Variants in FSD2 observed in about 807,000 individuals in gnomAD.
FSD2 encodes the protein fibronectin type III and SPRY domain containing 2.
Under a neutral mutation model 80.4 loss-of-function variants are expected in FSD2, and 71 were observed. The ratio of observed to expected loss-of-function variants is 0.88; its 90% CI spans 0.73 to 1.08. The LOEUF is 1.08. Ranked by LOEUF, FSD2 falls within the 50% of genes least tolerant of loss-of-function variation. FSD2 has a pLI of 0.00. For missense variants in FSD2, 923 were observed against 913.8 expected, an observed-to-expected ratio of 1.01 and a Z score of -0.13; for synonymous variants, 361 against 329.5, an observed-to-expected ratio of 1.10 and a Z score of -1.03.
chr15:82,784,536 T>C (rs1275090616), intron 3 of FSD2, among the ~76,000 whole-genome samples: 2 of 152,170 alleles, frequency 1.3e-5, no homozygotes, highest in East Asian at 1.9e-4. Context: ...CGTCAGCCAC[T>C]GTGCCCGGCC....
chr15:82,773,560 C>T (rs754732551), intron 6 of FSD2, among the ~76,000 whole-genome samples: 6 of 152,134 alleles, frequency 3.9e-5, no homozygotes, highest in Non-Finnish European at 8.8e-5. Context: ...TTCTCAAGCA[C>T]GGATTTGGGC....
intron 5 of FSD2, among the ~76,000 whole-genome samples, chr15:82,780,025 G>T (rs1159679974): frequency 1.3e-5 from 2 of 152,000 alleles, no homozygotes; most frequent in Non-Finnish European, 2.9e-5. Flanking sequence ...TGCTGACTGA[G>T]CCTCACCGTA....
At chr15:82,805,599 T>G (rs2050508242) in intron 1 of FSD2, among the ~76,000 whole-genome samples, 1 of 152,246 alleles carries the variant, frequency 6.6e-6, no homozygotes, top group Non-Finnish European at 1.5e-5. Context: ...AAATAAAATG[T>G]ATTTACAACA....
At chr15:82,769,577 AT>A (rs1187700837) in intron 8 of FSD2, among the ~76,000 whole-genome samples, 172 bp downstream of exon 8, 1 of 152,038 alleles carries the variant, frequency 6.6e-6, no homozygotes, top group East Asian at 1.9e-4. Flanking sequence ...AAAAAAAAAA[AT>A]GTCACTGTCA....
chr15:82,783,860 G>T (rs1429405266), intron 3 of FSD2, among the ~76,000 whole-genome samples: 1 of 152,168 alleles, frequency 6.6e-6, no homozygotes, highest in Non-Finnish European at 1.5e-5. Context: ...TGGTCTGGCG[G>T]CACTGCTTAC....
intron 1 of FSD2, among the ~76,000 whole-genome samples, chr15:82,796,989 A>G (rs1360283943): frequency 6.7e-6 from 1 of 149,170 alleles, no homozygotes; most frequent in Admixed American, 6.8e-5. Context: ...TGAATATTTC[A>G]TTGCACTGTA....
intron 1 of FSD2, among the ~76,000 whole-genome samples, chr15:82,795,236 T>C (rs2050237328): frequency 6.6e-6 from 1 of 152,220 alleles, no homozygotes; most frequent in Non-Finnish European, 1.5e-5. Flanking sequence ...GTTGGCTATA[T>C]TGTTATTAAT....
intron 4 of FSD2, among the ~76,000 whole-genome samples, chr15:82,781,738 A>G (rs781300095): frequency 2.5e-4 from 38 of 152,064 alleles, no homozygotes; most frequent in Non-Finnish European, 5.3e-4. Context: ...GAGCTCCAAG[A>G]GGCCATCTGA....
chr15:82,768,497 C>T (rs1428793235), intron 9 of FSD2, among the ~76,000 whole-genome samples: 2 of 152,210 alleles, frequency 1.3e-5, no homozygotes, highest in Non-Finnish European at 2.9e-5. Flanking sequence ...TGTCTATTTT[C>T]CCACCAGACT....
chr15:82,769,742 C>G lies in FSD2; in HGVS notation c.1402+8G>C. 1 of 1,607,162 alleles carries G rather than the reference C, an allele frequency of 6.2e-7. No homozygotes were observed. Among genetic ancestry groups the G allele is most frequent in the African/African-American group, 1.3e-5 (1 of 74,884 alleles). ...AAGCCCTGCTATAGGAAATGAGTAG[C>G]CCATTACCTGTCATGTACACTGCAC... On this transcript the variant is annotated splice_region_variant and intron_variant, in intron 8 of 12. Coordinates refer to ENST00000334574, the MANE Select transcript of FSD2 (RefSeq NM_001007122.4).
chr15:82,786,166 T>C (rs553030388), intron 3 of FSD2, among the ~76,000 whole-genome samples: 14 of 152,004 alleles, frequency 9.2e-5, no homozygotes, highest in Non-Finnish European at 1.9e-4. Context: ...AGGAGAGGGA[T>C]TGTGATTGGG....
intron 6 of FSD2, among the ~76,000 whole-genome samples, chr15:82,776,331 A>C (rs114449535): frequency 0.025 from 3,837 of 152,276 alleles, 163 homozygotes; most frequent in African/African-American, 0.084. Flanking sequence ...GATAGATTTC[A>C]TTCTTTTTAA....
rs763901508 is a variant in FSD2 at position 82,765,193 on chromosome 15, A to ATGTC, written c.1792_1793insGACA (p.Leu598ArgfsTer34). Reference sequence around the variant, plus strand: ...GGTGAAGTGAGTGTCGCTGGGTGACAGCTCCCTGGCGGGGGTTCTCCTTTC... The same window carrying ATGTC: ...GGTGAAGTGAGTGTCGCTGGGTGACATGTCGCTCCCTGGCGGGGGTTCTCCTTTC... On this transcript the variant is annotated frameshift_variant, in exon 11 of 13. Transcript: ENST00000334574. LOFTEE classifies it high-confidence loss of function. 2 of 1,605,978 alleles carry ATGTC rather than the reference A, an allele frequency of 1.2e-6. No individual in the cohort carries two copies. Among genetic ancestry groups the ATGTC allele is most frequent in the Non-Finnish European group, 8.5e-7 (1 of 1,175,814 alleles).
chr15:82,765,162 G>A lies in FSD2; in HGVS notation c.1820+4C>T, dbSNP rs576595569. The A allele has an allele frequency of 9.4e-6, 15 of 1,590,120 alleles. No homozygotes were observed. The highest frequency in any genetic ancestry group is 3.6e-5 in the Admixed American group (2 of 55,236). On this transcript the variant is annotated splice_donor_region_variant and intron_variant, in intron 11 of 12. Coordinates refer to ENST00000334574, the MANE Select transcript of FSD2 (RefSeq NM_001007122.4). Reference sequence around the variant, plus strand: ...AACGCCCTTGTGAGCGGTTGACAAAGTACCTGGTGAAGTGAGTGTCGCTGG... The same window carrying A: ...AACGCCCTTGTGAGCGGTTGACAAAATACCTGGTGAAGTGAGTGTCGCTGG...
chr15:82,766,172 G>T, intron 9 of FSD2, 141 bp from the exon 10 acceptor site: 1 of 924,782 alleles, frequency 1.1e-6, no homozygotes, highest in Non-Finnish European at 1.5e-6. Flanking sequence ...AGCATAGCCA[G>T]GAGTGCTGGC....
rs149036205 is a variant in FSD2 at position 82,771,651 on chromosome 15, G to A, written c.1267+422C>T. Among the ~76,000 whole-genome samples, 668 of 152,306 alleles carry A rather than the reference G, an allele frequency of 4.4e-3. 3 individuals carry two copies. The highest frequency in any genetic ancestry group is 6.1e-3 in the Non-Finnish European group (418 of 68,008). On this transcript the variant is annotated intron_variant, in intron 7 of 12. Transcript: ENST00000334574. ...CAGAGGCCCCCTCACCCCTCATGGG[G>A]TCTGCAGATGAATCCTCCAGTTTCT...
rs1229459311 is a variant in FSD2, at chr15:82,759,126, A to T, written c.*222T>A. The T allele has an allele frequency of 3.8e-6, 2 of 528,664 alleles. No individual in the cohort carries two copies. The highest frequency in any genetic ancestry group is 6.7e-6 in the Non-Finnish European group (2 of 300,182). 32.7% of individuals were successfully genotyped at this position (528,664 alleles called of 1,614,324 possible). A position where few individuals can be genotyped will look rare whatever the true frequency, so the allele number is the denominator to read the frequency against. ...CGTTTAGTCTGAGCCTTTATTTTAC[A>T]GCTGGGCCTGGTAATGACTATCCTA... On this transcript the variant is annotated 3_prime_UTR_variant, in exon 13 of 13. Coordinates refer to ENST00000334574, the MANE Select transcript of FSD2 (RefSeq NM_001007122.4).
intron 9 of FSD2, 129 bp from the exon 10 acceptor site, chr15:82,766,160 G>T: frequency 9.6e-7 from 1 of 1,042,972 alleles, no homozygotes; most frequent in African/African-American, 1.6e-5. Context: ...ACATTTAACA[G>T]CAGCATAGCC....
At position 82,804,796 on chromosome 15, in the gene FSD2, C is replaced by T. The variant is rs118084204; in HGVS notation, c.-79+1170G>A. Among the ~76,000 whole-genome samples, 914 of 152,248 alleles carry T rather than the reference C, an allele frequency of 6.0e-3. 6 individuals are homozygous for T. Among genetic ancestry groups the T allele is most frequent in the Admixed American group, 0.011 (175 of 15,296 alleles). On this transcript the variant is annotated intron_variant, in intron 1 of 12. Coordinates refer to ENST00000334574, the MANE Select transcript of FSD2 (RefSeq NM_001007122.4). ...CAAGCTGGCACTTGCCCTTCGAACA[C>T]ACAACACAAAGTGGTCTCAACACAA...
Sources: gnomAD v4.1 joint callset for allele counts (sites outside exome capture counted in the v4.1 genomes callset) on GRCh38, gnomAD v4.1.1 for gene constraint, MANE v1.5 for transcripts, NCBI Gene and HGNC (gene_info 2026-07-23, HGNC 2026-07-21) for gene names.